Variants in RFX3 observed in about 807,000 individuals in gnomAD.
The protein encoded by RFX3 is transcription factor RFX3.
Under a neutral mutation model 98.6 loss-of-function variants are expected in RFX3, and 14 were observed. That is an observed-to-expected ratio of 0.14 (90% CI 0.09 to 0.22). The LOEUF is 0.22. Ranked by LOEUF, RFX3 falls within the 10% of genes least tolerant of loss-of-function variation. RFX3 has a pLI of 1.00. For synonymous variants in RFX3, 383 were observed against 328.4 expected (o/e 1.17, Z -1.80); for missense variants, 639 against 926.9 (o/e 0.69, Z 4.03).
chr9:3,489,360 T>G lies in RFX3; in HGVS notation c.-9+36387A>C, dbSNP rs373909062. The stretch of plus-strand genomic sequence containing the variant: ...CTATCCACCCCACCCTGACTCCTGC[T>G]TTTTTCACCTTTCTGAATGGCAGTG... On this transcript the variant is annotated intron_variant, in intron 1 of 16. Coordinates refer to ENST00000617270, the MANE Select transcript of RFX3 (RefSeq NM_001282116.2). The G allele has an allele frequency of 1.2e-5, 11 of 927,874 alleles. No homozygotes were observed. In the East Asian group the frequency reaches 1.1e-3, roughly 89 times the overall value. 57.5% of individuals were successfully genotyped at this position (927,874 alleles called of 1,614,324 possible).
intron 1 of RFX3, among the ~76,000 whole-genome samples, chr9:3,442,696 C>G (rs952825228): frequency 4.7e-4 from 71 of 152,100 alleles, no homozygotes; most frequent in Non-Finnish European, 8.4e-4. Context: ...TCTGTACTAC[C>G]TCTGCAACTT....
At chr9:3,523,762 C>G (rs1357962732) in intron 1 of RFX3, among the ~76,000 whole-genome samples, 1 of 151,932 alleles carries the variant, frequency 6.6e-6, no homozygotes, top group Non-Finnish European at 1.5e-5. Context: ...TGACACTCAT[C>G]TGAACAGAAA....
At chr9:3,323,760 T>C (rs1831571413) in intron 4 of RFX3, among the ~76,000 whole-genome samples, 1 of 152,194 alleles carries the variant, frequency 6.6e-6, no homozygotes, top group African/African-American at 2.4e-5. Flanking sequence ...AGGAATTCAC[T>C]GGCTATGCTC....
chr9:3,414,243 T>C (rs1370695417), intron 1 of RFX3, among the ~76,000 whole-genome samples: 2 of 152,146 alleles, frequency 1.3e-5, no homozygotes, highest in Non-Finnish European at 1.5e-5. Flanking sequence ...TCCAGTCTGC[T>C]TACAATACTT....
intron 15 of RFX3, among the ~76,000 whole-genome samples, chr9:3,237,433 C>T (rs964836467): frequency 5.9e-5 from 9 of 152,132 alleles, no homozygotes; most frequent in Admixed American, 1.3e-4. Flanking sequence ...TTATCAATTT[C>T]AACTTTATCT....
intron 1 of RFX3, among the ~76,000 whole-genome samples, chr9:3,428,712 G>A (rs978083032): frequency 1.3e-5 from 2 of 152,092 alleles, no homozygotes; most frequent in Non-Finnish European, 2.9e-5. Context: ...TATATTTAAA[G>A]ACTGTGGAAA....
intron 15 of RFX3, among the ~76,000 whole-genome samples, chr9:3,245,963 T>C (rs887813798): frequency 4.6e-5 from 7 of 152,190 alleles, no homozygotes; most frequent in Non-Finnish European, 1.0e-4. Flanking sequence ...AAACTTTTTA[T>C]TTTTTGAATT....
chr9:3,402,907 C>A (rs755350284), intron 1 of RFX3, among the ~76,000 whole-genome samples: 65 of 151,806 alleles, frequency 4.3e-4, no homozygotes, highest in African/African-American at 1.0e-3. Context: ...ATTAAGATAA[C>A]TCTAACAACA....
intron 6 of RFX3, among the ~76,000 whole-genome samples, chr9:3,292,453 T>C (rs992121225): frequency 6.6e-6 from 1 of 152,094 alleles, no homozygotes; most frequent in African/African-American, 2.4e-5. Context: ...CACATACACA[T>C]GGTTTCATAT....
chr9:3,415,181 A>ATG (rs1171675249), intron 1 of RFX3, among the ~76,000 whole-genome samples: 2 of 140,086 alleles, frequency 1.4e-5, no homozygotes, highest in African/African-American at 5.4e-5. Context: ...TTATATATAT[A>ATG]TACACATACT....
intron 1 of RFX3, among the ~76,000 whole-genome samples, chr9:3,477,667 T>C (rs1299656525): frequency 2.6e-5 from 4 of 152,200 alleles, no homozygotes; most frequent in Admixed American, 6.5e-5. Flanking sequence ...TACAGTGAGC[T>C]TCTTGGATGT....
chr9:3,407,788 A>G (rs940382941), intron 1 of RFX3, among the ~76,000 whole-genome samples: 4 of 152,170 alleles, frequency 2.6e-5, no homozygotes, highest in Non-Finnish European at 5.9e-5. Context: ...AATGCAGAGT[A>G]CCTGACAAGC....
intron 1 of RFX3, among the ~76,000 whole-genome samples, chr9:3,507,586 T>G (rs1817227084): frequency 6.6e-6 from 1 of 151,916 alleles, no homozygotes; most frequent in Non-Finnish European, 1.5e-5. Flanking sequence ...CATAATACAG[T>G]TGTCCCTCCG....
At chr9:3,379,237 G>T (rs1838908372) in intron 2 of RFX3, among the ~76,000 whole-genome samples, 1 of 152,218 alleles carries the variant, frequency 6.6e-6, no homozygotes. Context: ...AAAAGTCTGT[G>T]AAGGAAAGGT....
At chr9:3,424,185 G>A (rs1455797646) in intron 1 of RFX3, among the ~76,000 whole-genome samples, 2 of 151,068 alleles carry the variant, frequency 1.3e-5, no homozygotes, top group East Asian at 2.0e-4. Flanking sequence ...TGTCCCTGGT[G>A]AACTTCAGGT....
At chr9:3,238,503 G>A (rs1022226167) in intron 15 of RFX3, among the ~76,000 whole-genome samples, 2 of 152,158 alleles carry the variant, frequency 1.3e-5, no homozygotes, top group Admixed American at 6.6e-5. Flanking sequence ...GTAAACCTTG[G>A]CCTAACCCGA....
At chr9:3,332,077 G>A (rs548062852) in intron 3 of RFX3, among the ~76,000 whole-genome samples, 1 of 152,256 alleles carries the variant, frequency 6.6e-6, no homozygotes, top group Non-Finnish European at 1.5e-5. Flanking sequence ...ATGAGTTGCT[G>A]AGTCCTGTCA....
At chr9:3,235,584 G>A (rs1330440136) in intron 15 of RFX3, among the ~76,000 whole-genome samples, 2 of 152,168 alleles carry the variant, frequency 1.3e-5, no homozygotes, top group Non-Finnish European at 2.9e-5. Flanking sequence ...TGGCAGAGTT[G>A]TGGTTCTTTC....
At chr9:3,335,455 C>T (rs531405643) in intron 3 of RFX3, among the ~76,000 whole-genome samples, 1 of 152,204 alleles carries the variant, frequency 6.6e-6, no homozygotes, top group Admixed American at 6.5e-5. Context: ...ACTGCTTGCA[C>T]ACTATTTTCT....
Sources: gnomAD v4.1 joint callset for allele counts (sites outside exome capture counted in the v4.1 genomes callset) on GRCh38, gnomAD v4.1.1 for gene constraint, MANE v1.5 for transcripts, NCBI Gene and HGNC (gene_info 2026-07-23, HGNC 2026-07-21) for gene names.